KCND2: variants seen among roughly 807,000 people sequenced by gnomAD.
KCND2 encodes A-type voltage-gated potassium channel KCND2.
A neutral mutation model predicts 54.4 loss-of-function variants in KCND2; 16 were observed. That is an observed-to-expected ratio of 0.29 (90% CI 0.20 to 0.45). The LOEUF is 0.45. Among genes scored for constraint, KCND2 ranks in the 20% least tolerant of loss-of-function variants. The pLI is 1.00. For missense variants in KCND2, 486 were observed against 824.2 expected, an observed-to-expected ratio of 0.59 and a Z score of 5.02; for synonymous variants, 317 against 310.7, an observed-to-expected ratio of 1.02 and a Z score of -0.21.
intron 1 of KCND2, among the ~76,000 whole-genome samples, chr7:120,558,611 T>G (rs753512151): frequency 6.6e-6 from 1 of 152,204 alleles, no homozygotes; most frequent in Non-Finnish European, 1.5e-5. Context: ...TATCTTCATT[T>G]GAATGATTCT....
chr7:120,290,300 G>A (rs563262456), intron 1 of KCND2, among the ~76,000 whole-genome samples: 1 of 152,060 alleles, frequency 6.6e-6, no homozygotes, highest in South Asian at 2.1e-4. Context: ...CAGAAATAAA[G>A]TTCCCATAGA....
intron 1 of KCND2, among the ~76,000 whole-genome samples, chr7:120,353,142 T>TA (rs1800442145): frequency 1.4e-5 from 2 of 142,502 alleles, no homozygotes; most frequent in Non-Finnish European, 3.0e-5. Context: ...ACTTTTTTTT[T>TA]TTTTTTTTTT....
At chr7:120,645,099 A>G (rs1793422435) in intron 1 of KCND2, among the ~76,000 whole-genome samples, 1 of 152,216 alleles carries the variant, frequency 6.6e-6, no homozygotes, top group Admixed American at 6.5e-5. Context: ...AAATTGGTTT[A>G]GTAAAACAGA....
intron 1 of KCND2, among the ~76,000 whole-genome samples, chr7:120,309,466 T>TACAC (rs1194649529): frequency 1.8e-4 from 22 of 119,936 alleles, no homozygotes; most frequent in East Asian, 1.1e-3. Flanking sequence ...TATATATATA[T>TACAC]ATATATATAC....
rs1344409490 is a variant in KCND2, at chr7:120,274,056, G to C, written c.-577G>C. 6.3e-6 allele frequency: 1 copy of C among 158,534 alleles called. No homozygotes were observed. The highest frequency in any genetic ancestry group is 2.4e-5 in the African/African-American group (1 of 41,446). 9.8% of individuals were successfully genotyped at this position (158,534 alleles called of 1,614,324 possible). ...GCAGCAGCAGCTGGACCCCCAAAGA[G>C]AGACGTGGGGCAGCGGCTGTGACCG... On this transcript the variant is annotated 5_prime_UTR_variant, in exon 1 of 6. Coordinates refer to ENST00000331113, the MANE Select transcript of KCND2 (RefSeq NM_012281.3).
chr7:120,746,264 A>G (rs1395820543), intron 5 of KCND2, among the ~76,000 whole-genome samples: 1 of 152,210 alleles, frequency 6.6e-6, no homozygotes, highest in Non-Finnish European at 1.5e-5. Flanking sequence ...GATTGAGTGC[A>G]CACAAATGTG....
intron 1 of KCND2, among the ~76,000 whole-genome samples, chr7:120,333,519 A>G (rs1209295021): frequency 6.6e-6 from 1 of 152,126 alleles, no homozygotes; most frequent in Admixed American, 6.5e-5. Context: ...TCAAACCAGC[A>G]AACCCTGTTT....
intron 1 of KCND2, among the ~76,000 whole-genome samples, chr7:120,477,337 A>G (rs1331051433): frequency 2.0e-5 from 3 of 152,114 alleles, no homozygotes; most frequent in African/African-American, 7.2e-5. Context: ...CAAACATACC[A>G]CTGCGGCACT....
intron 1 of KCND2, among the ~76,000 whole-genome samples, chr7:120,302,667 C>A (rs1799604202): frequency 6.6e-6 from 1 of 152,146 alleles, no homozygotes; most frequent in Non-Finnish European, 1.5e-5. Context: ...GAGTGATATA[C>A]AAACAACTTA....
intron 2 of KCND2, among the ~76,000 whole-genome samples, chr7:120,740,361 T>C (rs534112976): frequency 6.6e-6 from 1 of 152,176 alleles, no homozygotes; most frequent in East Asian, 1.9e-4. Flanking sequence ...AAAAGAGCAT[T>C]CCAGGACTTG....
chr7:120,299,614 C>T (rs1409588444), intron 1 of KCND2, among the ~76,000 whole-genome samples: 1 of 152,144 alleles, frequency 6.6e-6, no homozygotes. Context: ...GTTATTTCTT[C>T]ATCAGAGACA....
intron 2 of KCND2, among the ~76,000 whole-genome samples, chr7:120,736,497 A>G (rs954390893): frequency 6.6e-6 from 1 of 152,086 alleles, no homozygotes; most frequent in South Asian, 2.1e-4. Flanking sequence ...ATAAAGCTAG[A>G]TTAATGCAAT....
At chr7:120,487,890 G>T (rs1328873141) in intron 1 of KCND2, among the ~76,000 whole-genome samples, 1 of 152,088 alleles carries the variant, frequency 6.6e-6, no homozygotes, top group East Asian at 1.9e-4. Flanking sequence ...TTCAAAATTA[G>T]TTATGTACAG....
At chr7:120,409,643 A>G (rs1801418970) in intron 1 of KCND2, among the ~76,000 whole-genome samples, 1 of 151,956 alleles carries the variant, frequency 6.6e-6, no homozygotes, top group Non-Finnish European at 1.5e-5. Context: ...CTTATGATTA[A>G]AAAATGTAAG....
chr7:120,357,898 A>C (rs1042671540), intron 1 of KCND2, among the ~76,000 whole-genome samples: 2 of 152,118 alleles, frequency 1.3e-5, no homozygotes, highest in Non-Finnish European at 2.9e-5. Context: ...TAAAGGACCT[A>C]TCTCTCAATA....
chr7:120,275,674 G>A lies in KCND2; in HGVS notation c.1042G>A (p.Gly348Arg), dbSNP rs775882947. Residue 348 changes from glycine (G) to arginine (R), a missense_variant, in exon 1 of 6, where the codon GGG (glycine) becomes AGG (arginine). By Grantham distance (125) the Gly-to-Arg change is moderately radical. Transcript: ENST00000331113. Reference protein sequence around the residue: ...FATVMFYAEKGSSASKFTSIP... With the variant: ...FATVMFYAEKRSSASKFTSIP... ...TACAGTTATGTTCTACGCAGAGAAG[G>A]GGTCTTCGGCTAGCAAGTTCACCAG... 1.2e-6 allele frequency: 2 copies of A among 1,603,160 alleles called. No individual in the cohort carries two copies. Among genetic ancestry groups the A allele is most frequent in the Non-Finnish European group, 1.7e-6 (2 of 1,179,936 alleles).
At chr7:120,729,912 G>A (rs1250573362) in intron 1 of KCND2, among the ~76,000 whole-genome samples, 2 of 152,126 alleles carry the variant, frequency 1.3e-5, no homozygotes, top group African/African-American at 4.8e-5. Context: ...CTTCTAGACT[G>A]TGAATTTGCT....
intron 1 of KCND2, among the ~76,000 whole-genome samples, chr7:120,725,453 G>T (rs1021388747): frequency 2.0e-5 from 3 of 152,088 alleles, no homozygotes; most frequent in African/African-American, 7.2e-5. Context: ...TGGGGTAGGG[G>T]TCAACTATTT....
intron 1 of KCND2, among the ~76,000 whole-genome samples, chr7:120,311,017 G>A (rs1253140961): frequency 6.6e-6 from 1 of 151,608 alleles, no homozygotes; most frequent in Non-Finnish European, 1.5e-5. Flanking sequence ...ATACATGTAT[G>A]TATGTATATA....
Sources: allele counts gnomAD v4.1 joint callset (sites outside exome capture counted in the v4.1 genomes callset), GRCh38; gene constraint gnomAD v4.1.1; transcripts MANE v1.5; gene names NCBI Gene and HGNC (gene_info 2026-07-23, HGNC 2026-07-21).